Variants in FBXO4 observed in about 807,000 individuals in gnomAD.
The protein encoded by FBXO4 is F-box only protein 4.
FBXO4 carries 36 observed loss-of-function variants against 43.7 expected under a neutral mutation model. The ratio of observed to expected loss-of-function variants is 0.82; its 90% confidence interval spans 0.63 to 1.09. The LOEUF (loss-of-function observed/expected upper bound fraction) is 1.09, where lower values mean the gene tolerates loss of function less well. FBXO4 is among the 50% of genes least tolerant of loss of function. FBXO4 has a pLI of 0.00. For missense variants in FBXO4, 435 were observed against 474.1 expected, an observed-to-expected ratio of 0.92 and a Z score of 0.77; for synonymous variants, 180 against 165.6, an observed-to-expected ratio of 1.09 and a Z score of -0.67.
rs1751525414 is a variant in FBXO4 at position 41,927,005 on chromosome 5, T to C, written c.190-8T>C. On this transcript the variant is annotated splice_region_variant and splice_polypyrimidine_tract_variant and intron_variant, in intron 1 of 6. Coordinates refer to ENST00000281623, the MANE Select transcript of FBXO4 (RefSeq NM_012176.3). Reference sequence around the variant, plus strand: ...CTTTTTCCTACCTGCTGCTTTCTTCTGTTTCAGATTGATGTACAGCTATAT... The same window carrying C: ...CTTTTTCCTACCTGCTGCTTTCTTCCGTTTCAGATTGATGTACAGCTATAT... 2.6e-6 allele frequency: 4 copies of C among 1,539,042 alleles called. No homozygotes were observed. Among genetic ancestry groups the C allele is most frequent in the Non-Finnish European group, 3.5e-6 (4 of 1,137,636 alleles).
At chr5:41,987,455 A>C in the FBXO4 span, among the ~76,000 whole-genome samples, 1 of 152,134 alleles carries the variant, frequency 6.6e-6, no homozygotes, top group Non-Finnish European at 1.5e-5. Flanking sequence ...CAAATTTCTA[A>C]GTTCAGTTTA....
the FBXO4 span, among the ~76,000 whole-genome samples, chr5:42,040,107 G>A: frequency 6.6e-6 from 1 of 152,116 alleles, no homozygotes; most frequent in Non-Finnish European, 1.5e-5. Flanking sequence ...AAGCCACTAA[G>A]TTTGTGATAA....
the FBXO4 span, among the ~76,000 whole-genome samples, chr5:41,966,328 A>G: frequency 1.3e-5 from 2 of 152,218 alleles, no homozygotes; most frequent in African/African-American, 4.8e-5. Context: ...TTATAATTAA[A>G]AAAAAGATAC....
rs779529799 is a variant in FBXO4, at chr5:41,934,312, AGTAC to A, written c.898+5_898+8del. On this transcript the variant is annotated splice_donor_5th_base_variant and intron_variant, in intron 5 of 6. Transcript: ENST00000281623. ...GCAAATGCTGAAGCTCATAAAAGTA[AGTAC>A]TCATATGTACATTTTTAAGCACATT... 1 of 1,614,030 alleles carries A rather than the reference AGTAC, an allele frequency of 6.2e-7. No individual in the cohort carries two copies. Among genetic ancestry groups the A allele is most frequent in the South Asian group, 1.1e-5 (1 of 91,078 alleles).
the FBXO4 span, among the ~76,000 whole-genome samples, chr5:42,006,740 C>T: frequency 6.6e-6 from 1 of 151,140 alleles, no homozygotes; most frequent in Non-Finnish European, 1.5e-5. Context: ...TTAGGCAAAC[C>T]ATCAGTTTCA....
chr5:42,006,381 T>G, the FBXO4 span, among the ~76,000 whole-genome samples: 1 of 152,026 alleles, frequency 6.6e-6, no homozygotes, highest in Non-Finnish European at 1.5e-5. Context: ...CTACAATATA[T>G]CAAAGTACCT....
chr5:41,947,089 C>G, the FBXO4 span, among the ~76,000 whole-genome samples: 4 of 152,084 alleles, frequency 2.6e-5, no homozygotes, highest in Non-Finnish European at 4.4e-5. Context: ...TATATTCCAA[C>G]AGAACACAAA....
At chr5:41,965,608 C>A in the FBXO4 span, among the ~76,000 whole-genome samples, 12 of 152,206 alleles carry the variant, frequency 7.9e-5, no homozygotes, top group East Asian at 2.1e-3. Flanking sequence ...AAATCAAAAC[C>A]ACAATGAGAT....
the FBXO4 span, among the ~76,000 whole-genome samples, chr5:41,997,051 A>C: frequency 5.9e-5 from 9 of 152,218 alleles, no homozygotes; most frequent in Admixed American, 5.9e-4. Context: ...AACACCTGAG[A>C]TAGGACAGTA....
At chr5:41,948,551 A>G in the FBXO4 span, among the ~76,000 whole-genome samples, 1 of 151,968 alleles carries the variant, frequency 6.6e-6, no homozygotes, top group African/African-American at 2.4e-5. Flanking sequence ...TGAACGTTAC[A>G]GCAGTAGAAT....
At chr5:41,966,106 A>C in the FBXO4 span, among the ~76,000 whole-genome samples, 6 of 152,270 alleles carry the variant, frequency 3.9e-5, no homozygotes, top group East Asian at 1.2e-3. Context: ...ATGAGAACAC[A>C]TGGACACAGG....
the FBXO4 span, among the ~76,000 whole-genome samples, chr5:42,009,375 ATGTGTGTGTGTG>A: frequency 4.8e-4 from 69 of 143,692 alleles, no homozygotes; most frequent in African/African-American, 8.5e-4. Flanking sequence ...GTGTGTGTGT[ATGTGTGTGTGTG>A]TGTGTGTGTG....
the FBXO4 span, among the ~76,000 whole-genome samples, chr5:42,023,383 T>G: frequency 2.6e-5 from 4 of 152,172 alleles, no homozygotes; most frequent in African/African-American, 9.6e-5. Context: ...TCAATGCCTG[T>G]GCACCTGATG....
At chr5:42,019,820 CTTTCA>C in the FBXO4 span, among the ~76,000 whole-genome samples, 5 of 151,738 alleles carry the variant, frequency 3.3e-5, no homozygotes, top group African/African-American at 1.2e-4. Flanking sequence ...GTTCTATATT[CTTTCA>C]TGTTTTTGAA....
chr5:42,029,308 C>T, the FBXO4 span, among the ~76,000 whole-genome samples: 1 of 152,020 alleles, frequency 6.6e-6, no homozygotes, highest in African/African-American at 2.4e-5. Flanking sequence ...AAATCTGCTG[C>T]CAGACGTATT....
the FBXO4 span, among the ~76,000 whole-genome samples, chr5:42,032,488 A>G: frequency 2.6e-5 from 4 of 152,276 alleles, no homozygotes; most frequent in African/African-American, 9.6e-5. Context: ...CCCAAGGCAG[A>G]GAAGCCTTAC....
At chr5:41,952,011 G>T in the FBXO4 span, 628 of 292,008 alleles carry the variant, frequency 2.2e-3, 3 homozygotes, top group African/African-American at 0.012. Flanking sequence ...GACACGAGCT[G>T]CCAGCAGAAG....
the FBXO4 span, chr5:41,967,370 C>A: frequency 2.0e-6 from 1 of 492,956 alleles, no homozygotes. Context: ...TATCTATTCC[C>A]ACATCAATGC....
the FBXO4 span, among the ~76,000 whole-genome samples, chr5:42,024,327 T>C: frequency 1.3e-5 from 2 of 152,164 alleles, no homozygotes; most frequent in South Asian, 2.1e-4. Context: ...ATAAACACAT[T>C]ATAAGAACTT....
Sources: allele counts gnomAD v4.1 joint callset (sites outside exome capture counted in the v4.1 genomes callset), GRCh38; gene constraint gnomAD v4.1.1; transcripts MANE v1.5; gene names NCBI Gene and HGNC (gene_info 2026-07-23, HGNC 2026-07-21).